PAIP2B: variants seen among roughly 807,000 people sequenced by gnomAD.
The protein encoded by PAIP2B is poly(A) binding protein interacting protein 2B.
A neutral mutation model predicts 17.0 loss-of-function variants in PAIP2B; 13 were observed. The observed-to-expected ratio is 0.76, with a 90% CI of 0.50 to 1.22. The LOEUF (loss-of-function observed/expected upper bound fraction) is 1.22, where lower values mean the gene tolerates loss of function less well. Ranked by LOEUF, PAIP2B falls within the 50% of genes most tolerant of loss-of-function variation. The pLI is 0.00. For missense variants in PAIP2B, 117 were observed against 144.5 expected (o/e 0.81, Z 0.98); for synonymous variants, 43 against 48.7 (o/e 0.88, Z 0.48).
intron 1 of PAIP2B, among the ~76,000 whole-genome samples, chr2:71,220,343 C>G (rs533620161): frequency 1.3e-5 from 2 of 152,278 alleles, no homozygotes; most frequent in East Asian, 1.9e-4. Context: ...ATAAACAGAA[C>G]AGCTAGGATG....
At chr2:71,213,062 G>A (rs1056888265) in intron 1 of PAIP2B, among the ~76,000 whole-genome samples, 1 of 152,026 alleles carries the variant, frequency 6.6e-6, no homozygotes, top group Non-Finnish European at 1.5e-5. Context: ...GGGGAGCAGT[G>A]GGGAAAAACA....
chr2:71,226,026 T>G (rs1286630109), intron 1 of PAIP2B, among the ~76,000 whole-genome samples: 1 of 152,238 alleles, frequency 6.6e-6, no homozygotes, highest in African/African-American at 2.4e-5. Flanking sequence ...CAATTCAATT[T>G]ACTGAAAATA....
At chr2:71,208,081 A>T (rs536663961) in intron 1 of PAIP2B, among the ~76,000 whole-genome samples, 10 of 152,222 alleles carry the variant, frequency 6.6e-5, no homozygotes, top group African/African-American at 2.4e-4. Context: ...GCAAAGTGAG[A>T]TGAGAAGAGG....
intron 2 of PAIP2B, among the ~76,000 whole-genome samples, chr2:71,195,709 G>C (rs1674800261): frequency 6.6e-6 from 1 of 152,166 alleles, no homozygotes; most frequent in Non-Finnish European, 1.5e-5. Context: ...TGCAATCTCA[G>C]CTCCCTGCAA....
intron 1 of PAIP2B, among the ~76,000 whole-genome samples, chr2:71,216,552 G>C (rs912836983): frequency 6.6e-6 from 1 of 152,174 alleles, no homozygotes; most frequent in African/African-American, 2.4e-5. Flanking sequence ...TTCTTCTAGA[G>C]TTCTACAATT....
intron 1 of PAIP2B, among the ~76,000 whole-genome samples, chr2:71,214,617 G>T (rs1675381565): frequency 2.0e-5 from 3 of 152,174 alleles, no homozygotes. Context: ...TTGCAGGACA[G>T]TAAAATTTGG....
chr2:71,224,423 C>A (rs1370981399), intron 1 of PAIP2B, among the ~76,000 whole-genome samples: 1 of 152,048 alleles, frequency 6.6e-6, no homozygotes, highest in Non-Finnish European at 1.5e-5. Flanking sequence ...ATAACTACTG[C>A]AAATAATGAG....
Position 71,188,240 on chromosome 2 carries a change from T to TA in PAIP2B, c.*238dup, listed in dbSNP as rs1037403799. On this transcript the variant is annotated 3_prime_UTR_variant, in exon 4 of 4. Coordinates refer to ENST00000244221, the MANE Select transcript of PAIP2B (RefSeq NM_020459.1). ...ATTTCCTTAACTCGAAAGAGCTATT[T>TA]AAAAAAACAAAACAGGAAACTCCCC... 3.7e-5 allele frequency: 19 copies of TA among 517,484 alleles called. No homozygotes were observed. Among genetic ancestry groups the TA allele is most frequent in the Admixed American group, 1.1e-4 (3 of 27,626 alleles). The allele number at this position is 517,484 out of a possible 1,614,324, so 32.1% of individuals were successfully genotyped here.
chr2:71,192,261 C>CT (rs1491526026), intron 2 of PAIP2B, among the ~76,000 whole-genome samples: 68 of 108,938 alleles, frequency 6.2e-4, no homozygotes, highest in Non-Finnish European at 1.1e-3. Context: ...ATAGATACTG[C>CT]ATTTTTTTTT....
At chr2:71,192,313 G>A (rs1180336256) in intron 2 of PAIP2B, among the ~76,000 whole-genome samples, 1 of 148,496 alleles carries the variant, frequency 6.7e-6, no homozygotes, top group East Asian at 2.0e-4. Context: ...CTTGCATCAA[G>A]CAAGCCTATT....
intron 2 of PAIP2B, among the ~76,000 whole-genome samples, chr2:71,194,719 C>G (rs1456011485): frequency 6.6e-6 from 1 of 152,016 alleles, no homozygotes; most frequent in Non-Finnish European, 1.5e-5. Flanking sequence ...TATTTGGATG[C>G]CCTTTATCTT....
At chr2:71,215,966 T>C (rs1051759197) in intron 1 of PAIP2B, among the ~76,000 whole-genome samples, 2 of 152,200 alleles carry the variant, frequency 1.3e-5, no homozygotes, top group Non-Finnish European at 2.9e-5. Context: ...AGTACAAGAA[T>C]TACCAGTATT....
chr2:71,211,752 CT>C (rs1462641177), intron 1 of PAIP2B, among the ~76,000 whole-genome samples: 1 of 152,164 alleles, frequency 6.6e-6, no homozygotes, highest in East Asian at 1.9e-4. Context: ...CAATCCCAAA[CT>C]TTTAGAAACA....
intron 1 of PAIP2B, 81 bp downstream of exon 1, chr2:71,226,847 G>A (rs1179159456): frequency 1.3e-5 from 2 of 152,420 alleles, no homozygotes; most frequent in African/African-American, 2.4e-5. Context: ...GGCAGAAAGG[G>A]AGGCGCAGGG....
intron 2 of PAIP2B, among the ~76,000 whole-genome samples, chr2:71,195,670 G>A (rs537254507): frequency 1.3e-3 from 191 of 152,022 alleles, no homozygotes; most frequent in African/African-American, 4.5e-3. Context: ...ATGAAGTCTC[G>A]CTCTGTCACC....
chr2:71,185,101 C>G lies in PAIP2B; in HGVS notation c.*3378G>C, dbSNP rs1422674204. On this transcript the variant is annotated 3_prime_UTR_variant, in exon 4 of 4. Coordinates refer to ENST00000244221, the MANE Select transcript of PAIP2B (RefSeq NM_020459.1). ...TCATTCGTGCTGTTTACTTTGGCAG[C>G]CTCTTCACACAACTTTCCTCTCTAA... 6.6e-6 allele frequency: 1 copy of G among 152,154 alleles called. No individual in the cohort carries two copies. Among genetic ancestry groups the G allele is most frequent in the Non-Finnish European group, 1.5e-5 (1 of 68,036 alleles). 9.4% of individuals were successfully genotyped at this position (152,154 alleles called of 1,614,324 possible).
chr2:71,195,689 A>T (rs920247965), intron 2 of PAIP2B, among the ~76,000 whole-genome samples: 1 of 152,176 alleles, frequency 6.6e-6, no homozygotes, highest in African/African-American at 2.4e-5. Flanking sequence ...CCCAGGCTGG[A>T]GTGCAGTGGT....
rs115162915 is a variant in PAIP2B at position 71,203,135 on chromosome 2, C to T, written c.-11-535G>A. Reference sequence around the variant, plus strand: ...GAGTTAAGAACAATTAACAATGTTGCGCATATAACCTTCCTGAATTCCCAT... The same window carrying T: ...GAGTTAAGAACAATTAACAATGTTGTGCATATAACCTTCCTGAATTCCCAT... On this transcript the variant is annotated intron_variant, in intron 1 of 3. Transcript: ENST00000244221. Among the ~76,000 whole-genome samples the T allele has an allele frequency of 4.6e-3, 696 of 152,018 alleles. 11 individuals carry two copies. The highest frequency in any genetic ancestry group is 0.016 in the African/African-American group (668 of 41,498).
At chr2:71,189,004 CTTTTTTTTT>C (rs56008115) in intron 3 of PAIP2B, among the ~76,000 whole-genome samples, 2 of 122,170 alleles carry the variant, frequency 1.6e-5, no homozygotes, top group African/African-American at 6.4e-5. Flanking sequence ...TGCTCACAGA[CTTTTTTTTT>C]TTTTTTTTTT....
Sources: allele counts gnomAD v4.1 joint callset (sites outside exome capture counted in the v4.1 genomes callset), GRCh38; gene constraint gnomAD v4.1.1; transcripts MANE v1.5; gene names NCBI Gene and HGNC (gene_info 2026-07-23, HGNC 2026-07-21).